GABRB3: variants seen among roughly 807,000 people sequenced by gnomAD.
The protein encoded by GABRB3 is gamma-aminobutyric acid receptor subunit beta-3.
Under a neutral mutation model 52.1 loss-of-function variants are expected in GABRB3, and 14 were observed. The ratio of observed to expected loss-of-function variants is 0.27; its 90% CI spans 0.18 to 0.42. The LOEUF is 0.42. GABRB3 is among the 10% of genes least tolerant of loss of function. The probability of loss-of-function intolerance (pLI) is 1.00; values close to 1 mark genes in which losing one functional copy is unlikely to be tolerated. For synonymous variants in GABRB3, 260 were observed against 232.3 expected (o/e 1.12, Z -1.08); for missense variants, 307 against 609.1 (o/e 0.50, Z 5.22).
chr15:26,740,416 C>T (rs765360188), intron 3 of GABRB3, among the ~76,000 whole-genome samples: 14 of 151,930 alleles, frequency 9.2e-5, no homozygotes, highest in African/African-American at 1.5e-4. Flanking sequence ...CAAAGGATAC[C>T]GCCAAGCAGA....
chr15:26,725,352 C>G (rs2140144593), intron 3 of GABRB3, among the ~76,000 whole-genome samples: 1 of 152,266 alleles, frequency 6.6e-6, no homozygotes, highest in Non-Finnish European at 1.5e-5. Flanking sequence ...GCTGTCCCCT[C>G]CACCTTCCCC....
intron 4 of GABRB3, among the ~76,000 whole-genome samples, chr15:26,586,425 C>CACACACACACACACACAT (rs1555368912): frequency 2.6e-5 from 4 of 151,548 alleles, no homozygotes; most frequent in Admixed American, 6.6e-5. Flanking sequence ...CACACACACA[C>CACACACACACACACACAT]GCATACATAC....
intron 3 of GABRB3, among the ~76,000 whole-genome samples, chr15:26,636,454 G>C (rs1748972957): frequency 6.6e-6 from 1 of 151,986 alleles, no homozygotes; most frequent in Non-Finnish European, 1.5e-5. Context: ...CTCCAATTCT[G>C]CCTCTTCTTT....
intron 3 of GABRB3, among the ~76,000 whole-genome samples, chr15:26,705,689 C>A (rs1263305592): frequency 6.6e-6 from 1 of 152,118 alleles, no homozygotes; most frequent in East Asian, 1.9e-4. Flanking sequence ...AGACACCAAT[C>A]AGTGCAGACA....
rs1889817331 is a variant in GABRB3 at position 26,727,999 on chromosome 15, AG to A, written c.240+44402del. On this transcript the variant is annotated intron_variant, in intron 3 of 8. Coordinates refer to ENST00000311550, the MANE Select transcript of GABRB3 (RefSeq NM_000814.6). The stretch of plus-strand genomic sequence containing the variant: ...TAACTAGAATACAATACTTGAGAGG[AG>A]CTGTTATTCCCTTCTAGTCAATGGT... 4.6e-5 allele frequency among the ~76,000 whole-genome samples: 7 copies of A among 152,342 alleles called. No homozygotes were observed. In the South Asian group the frequency reaches 1.5e-3, roughly 32 times the overall value.
chr15:26,760,809 G>GCGCACACACACACA (rs371524450), intron 3 of GABRB3, among the ~76,000 whole-genome samples: 39 of 149,394 alleles, frequency 2.6e-4, no homozygotes, highest in African/African-American at 8.4e-4. Context: ...ACACGCGCAC[G>GCGCACACACACACA]CACACACACA....
At chr15:26,615,162 A>T in intron 4 of GABRB3, 1 of 469,180 alleles carries the variant, frequency 2.1e-6, no homozygotes. Flanking sequence ...CTGCCTTTTT[A>T]CAAATAGAAG....
At chr15:26,686,739 G>A (rs1888418620) in intron 3 of GABRB3, among the ~76,000 whole-genome samples, 1 of 152,226 alleles carries the variant, frequency 6.6e-6, no homozygotes, top group Non-Finnish European at 1.5e-5. Flanking sequence ...TCCTTAGCGT[G>A]CTGGCACAGT....
At chr15:26,748,925 C>T (rs1866497625) in intron 3 of GABRB3, among the ~76,000 whole-genome samples, 1 of 152,146 alleles carries the variant, frequency 6.6e-6, no homozygotes, top group African/African-American at 2.4e-5. Context: ...AGTTGGGAGG[C>T]TGAGGCAGGA....
chr15:26,681,262 C>T (rs966089139), intron 3 of GABRB3, among the ~76,000 whole-genome samples: 1 of 152,120 alleles, frequency 6.6e-6, no homozygotes, highest in Non-Finnish European at 1.5e-5. Flanking sequence ...ATATAATTTG[C>T]CTTCCATCTC....
In GABRB3 at chr15:26,709,507, T is replaced by C. The variant is rs575211319; in HGVS notation, c.240+62895A>G. ...GAGCCACGTAAACCTCTTTTCTTTT[T>C]TTTCTTTCTTTTTTTTTTTTTTTTT... On this transcript the variant is annotated intron_variant, in intron 3 of 8. Transcript: ENST00000311550. Among the ~76,000 whole-genome samples the C allele has an allele frequency of 3.2e-3, 431 of 134,120 alleles. 2 individuals carry two copies. The highest frequency in any genetic ancestry group is 9.8e-3 in the African/African-American group (385 of 39,144). The allele number at this position is 134,120 out of a possible 152,430, so 88.0% of individuals were successfully genotyped here.
chr15:26,756,020 T>A (rs1229974581), intron 3 of GABRB3, among the ~76,000 whole-genome samples: 1 of 152,186 alleles, frequency 6.6e-6, no homozygotes, highest in Non-Finnish European at 1.5e-5. Context: ...TAATATAAAG[T>A]TACATGTAAA....
At chr15:26,692,828 A>G (rs1384769775) in intron 3 of GABRB3, among the ~76,000 whole-genome samples, 1 of 152,226 alleles carries the variant, frequency 6.6e-6, no homozygotes, top group Non-Finnish European at 1.5e-5. Flanking sequence ...AGAACTACAC[A>G]CAATCAGACC....
intron 3 of GABRB3, among the ~76,000 whole-genome samples, chr15:26,630,234 C>T (rs1212877168): frequency 1.3e-5 from 2 of 152,190 alleles, no homozygotes; most frequent in Admixed American, 6.5e-5. Flanking sequence ...CTACCCAGTC[C>T]CTCTGTACCT....
chr15:26,591,997 A>C (rs1418750293), intron 4 of GABRB3, among the ~76,000 whole-genome samples: 1 of 152,138 alleles, frequency 6.6e-6, no homozygotes, highest in African/African-American at 2.4e-5. Flanking sequence ...GACAGCACAA[A>C]AATAATAGCT....
chr15:26,599,721 C>T (rs1048288130), intron 4 of GABRB3, among the ~76,000 whole-genome samples: 3 of 152,098 alleles, frequency 2.0e-5, no homozygotes, highest in Non-Finnish European at 2.9e-5. Context: ...TCTATCACTG[C>T]CAAACAGAAA....
chr15:26,563,814 C>T (rs979335040), intron 7 of GABRB3, among the ~76,000 whole-genome samples: 1 of 152,042 alleles, frequency 6.6e-6, no homozygotes, highest in Non-Finnish European at 1.5e-5. Flanking sequence ...GTTCACCAGG[C>T]TTGTAAGTCT....
At chr15:26,748,539 G>A (rs76900047) in intron 3 of GABRB3, among the ~76,000 whole-genome samples, 8,208 of 152,120 alleles carry the variant, frequency 0.054, 399 homozygotes, top group East Asian at 0.29. Flanking sequence ...TCTTTTAAGC[G>A]TATGTGGGAT....
Position 26,554,200 on chromosome 15 carries a change from TATATATATAG to T in GABRB3, c.1081-6076_1081-6067del, listed in dbSNP as rs1450839199. Reference sequence around the variant, plus strand: ...AGTATATATATATATACTATATATATATATATATAGTAGAAACAAGGTCTCTCTTTGTTGC... The same window carrying T: ...AGTATATATATATATACTATATATATTAGAAACAAGGTCTCTCTTTGTTGC... On this transcript the variant is annotated intron_variant, in intron 8 of 8. Transcript: ENST00000311550. Among the ~76,000 whole-genome samples the T allele has an allele frequency of 1.0e-4, 9 of 89,226 alleles. 1 individual carries two copies. The highest frequency in any genetic ancestry group is 1.5e-4 in the Admixed American group (1 of 6,554). 58.5% of individuals were successfully genotyped at this position (89,226 alleles called of 152,430 possible). A position where few individuals can be genotyped will look rare whatever the true frequency, so the allele number is the denominator to read the frequency against.
Sources: gnomAD v4.1 joint callset for allele counts (sites outside exome capture counted in the v4.1 genomes callset) on GRCh38, gnomAD v4.1.1 for gene constraint, MANE v1.5 for transcripts, NCBI Gene and HGNC (gene_info 2026-07-23, HGNC 2026-07-21) for gene names.